Variants in FBXO38 observed in about 807,000 individuals in gnomAD.
FBXO38 encodes the protein F-box only protein 38.
FBXO38 carries 53 observed loss-of-function variants against 131.9 expected under a neutral mutation model. The ratio of observed to expected loss-of-function variants is 0.40; its 90% CI spans 0.32 to 0.51. FBXO38 has a LOEUF of 0.51. Among genes scored for constraint, FBXO38 ranks in the 20% least tolerant of loss-of-function variants. The probability of loss-of-function intolerance (pLI) is 0.53; values close to 1 mark genes in which losing one functional copy is unlikely to be tolerated. For synonymous variants in FBXO38, 452 were observed against 505.6 expected, an observed-to-expected ratio of 0.89 and a Z score of 1.42; for missense variants, 1,076 against 1,475.6, an observed-to-expected ratio of 0.73 and a Z score of 4.44.
chr5:148,427,469 C>T lies in FBXO38; in HGVS notation c.2175C>T (p.Pro725=), dbSNP rs139469864. 1.7e-5 allele frequency: 27 copies of T among 1,614,106 alleles called. No homozygotes were observed. In the Admixed American group the frequency reaches 2.0e-4, roughly 12 times the overall value. Residue 725 remains proline (P), a synonymous_variant, in exon 15 of 22, where the codon CCC becomes CCT. Transcript: ENST00000340253. ...CACACAACACTGCTTCTCAAAGCCC[C>T]GACTTTGTAAGGACGGTGAACAGCG... ...SSSHNTASQS[P]DFVRTVNSGG...
intron 13 of FBXO38, among the ~76,000 whole-genome samples, chr5:148,425,263 A>G (rs1354159063): frequency 1.3e-5 from 2 of 152,174 alleles, no homozygotes; most frequent in East Asian, 1.9e-4. Context: ...ATGCTGTATC[A>G]TTTTCTATTT....
chr5:148,416,173 G>A (rs957109431), intron 11 of FBXO38, 103 bp downstream of exon 11: 6 of 1,186,624 alleles, frequency 5.1e-6, no homozygotes, highest in African/African-American at 3.2e-5. Context: ...TGCCTTTACG[G>A]TGTTACAGTC....
rs139737271 is a variant in FBXO38 at position 148,386,465 on chromosome 5, C to T, written c.-64+2426C>T. On this transcript the variant is annotated intron_variant, in intron 1 of 21. Coordinates refer to ENST00000340253, the MANE Select transcript of FBXO38 (RefSeq NM_205836.3). ...CCCTGAAATCGTGTATGTATTTCTG[C>T]TTGCATGAGTCTGGAAAACGGATGT... Among the ~76,000 whole-genome samples, 1,002 of 152,124 alleles carry T rather than the reference C, an allele frequency of 6.6e-3. 7 individuals are homozygous for T. The highest frequency in any genetic ancestry group is 0.01 in the Non-Finnish European group (687 of 68,006).
intron 10 of FBXO38, 112 bp from the exon 11 acceptor site, chr5:148,415,816 A>G: frequency 8.8e-7 from 1 of 1,140,910 alleles, no homozygotes; most frequent in Non-Finnish European, 1.3e-6. Context: ...AAAAAAAGGA[A>G]AAGTTATTTT....
intron 15 of FBXO38, among the ~76,000 whole-genome samples, chr5:148,429,280 T>G (rs1302895936): frequency 6.6e-6 from 1 of 152,190 alleles, no homozygotes; most frequent in Non-Finnish European, 1.5e-5. Flanking sequence ...TTCATTGATT[T>G]CAGTTTAGTT....
At chr5:148,417,339 A>G (rs531686784) in intron 12 of FBXO38, 135 bp downstream of exon 12, 35 of 684,700 alleles carry the variant, frequency 5.1e-5, no homozygotes, top group Non-Finnish European at 8.3e-5. Context: ...TTGATAAGGA[A>G]CATGAGGGAG....
At chr5:148,409,826 T>C (rs1752648706) in intron 8 of FBXO38, among the ~76,000 whole-genome samples, 1 of 152,244 alleles carries the variant, frequency 6.6e-6, no homozygotes, top group Non-Finnish European at 1.5e-5. Flanking sequence ...ATTAGGATTA[T>C]AAATAAAAGT....
Position 148,415,928 on chromosome 5 carries a change from A to G in FBXO38, c.1265A>G (p.Asp422Gly). 1 of 1,613,498 alleles carries G rather than the reference A, an allele frequency of 6.2e-7. No individual in the cohort carries two copies. Reference sequence around the variant, plus strand: ...TCTGGTCATGTCATTTCTTTAACAGACCACTCAAGATGGACTCGATTGGTT... The same window carrying G: ...TCTGGTCATGTCATTTCTTTAACAGGCCACTCAAGATGGACTCGATTGGTT... The part of the protein sequence containing the change: ...HLHNPYNWIS[D>G]HSRWTRLVDI... Residue 422 changes from aspartate to glycine, a missense_variant and splice_region_variant, in exon 11 of 22, where the codon GAC becomes GGC. Physicochemically the swap from Asp to Gly is moderately conservative, Grantham distance 94. Transcript: ENST00000340253.
At chr5:148,396,184 A>AT (rs534554948) in intron 2 of FBXO38, among the ~76,000 whole-genome samples, 64 of 150,238 alleles carry the variant, frequency 4.3e-4, no homozygotes, top group Middle Eastern at 3.5e-3. Context: ...AAAATGATAG[A>AT]TTTTTTTTTT....
Position 148,427,811 on chromosome 5 carries a change from T to G in FBXO38, c.2517T>G (p.Ser839=), listed in dbSNP as rs1200251706. 3.7e-6 allele frequency: 6 copies of G among 1,608,648 alleles called. No individual in the cohort carries two copies. The highest frequency in any genetic ancestry group is 3.3e-4 in the Middle Eastern group (2 of 6,050). ...ATGAGAGGACTAATGGGAGTGGCTC[T>G]GGGGCTACAGGTGAGGACAGGAGGG... The part of the protein sequence containing the change: ...AHDERTNGSG[S]GATGEDRRGS... Residue 839 remains serine, a synonymous_variant, in exon 15 of 22, where the codon TCT becomes TCG. Transcript: ENST00000340253.
intron 12 of FBXO38, among the ~76,000 whole-genome samples, chr5:148,419,067 G>C (rs1245890270): frequency 2.0e-5 from 3 of 152,182 alleles, no homozygotes; most frequent in African/African-American, 7.2e-5. Context: ...AGCTTCAGCA[G>C]TTACCTAGGA....
At chr5:148,437,383 C>T (rs1754405949) in intron 17 of FBXO38, among the ~76,000 whole-genome samples, 1 of 152,216 alleles carries the variant, frequency 6.6e-6, no homozygotes, top group Non-Finnish European at 1.5e-5. Context: ...AACAGTTCCC[C>T]TTCTTTCCAC....
chr5:148,395,950 A>G (rs1014687590), intron 2 of FBXO38, among the ~76,000 whole-genome samples: 6 of 152,152 alleles, frequency 3.9e-5, no homozygotes, highest in Non-Finnish European at 8.8e-5. Context: ...CCTATGAAAA[A>G]TTTCCATATA....
At chr5:148,385,406 T>C (rs1757859045) in intron 1 of FBXO38, among the ~76,000 whole-genome samples, 1 of 152,098 alleles carries the variant, frequency 6.6e-6, no homozygotes, top group Non-Finnish European at 1.5e-5. Flanking sequence ...GAAGTAAAAT[T>C]GGTGGTATAC....
rs748051444 is a variant in FBXO38, at chr5:148,424,064, C to A, written c.1685C>A (p.Thr562Asn). The stretch of plus-strand genomic sequence containing the variant: ...GTGGTGGCCGAGAGTGGAAATAATA[C>A]TCCAGCTCACAGCCAGGCAATTATT... Reference protein sequence around the residue: ...GEVVAESGNNTPAHSQAIIPV... With the variant: ...GEVVAESGNNNPAHSQAIIPV... The change falls in exon 13 of 22, where the codon ACT becomes AAT. Residue 562 changes from threonine to asparagine, a missense_variant. By Grantham distance (65) the Thr-to-Asn change is moderately conservative. This residue lies in a region of FBXO38 where 212 missense variants were observed against 221.2 expected (regional missense o/e 0.96). Coordinates refer to ENST00000340253, the MANE Select transcript of FBXO38 (RefSeq NM_205836.3). 1.8e-5 allele frequency: 29 copies of A among 1,613,518 alleles called. No homozygotes were observed. In the South Asian group the frequency reaches 2.4e-4, roughly 13 times the overall value.
intron 1 of FBXO38, among the ~76,000 whole-genome samples, chr5:148,385,721 C>A (rs1757879517): frequency 6.6e-6 from 1 of 152,050 alleles, no homozygotes; most frequent in Non-Finnish European, 1.5e-5. Flanking sequence ...TCAGTAGATA[C>A]ACAAGATAGT....
intron 12 of FBXO38, among the ~76,000 whole-genome samples, chr5:148,418,845 A>G (rs760541646): frequency 6.6e-6 from 1 of 152,220 alleles, no homozygotes; most frequent in Non-Finnish European, 1.5e-5. Context: ...GAAATCATAT[A>G]TTGTTGCAAC....
intron 1 of FBXO38, among the ~76,000 whole-genome samples, chr5:148,391,338 A>G (rs1758184931): frequency 6.6e-6 from 1 of 152,188 alleles, no homozygotes; most frequent in African/African-American, 2.4e-5. Context: ...TAGAGGCAAG[A>G]TTTTTTAGCA....
intron 2 of FBXO38, among the ~76,000 whole-genome samples, chr5:148,396,433 A>G (rs1466450300): frequency 6.6e-6 from 1 of 152,192 alleles, no homozygotes; most frequent in African/African-American, 2.4e-5. Context: ...TGGGTGGACT[A>G]TTCAGCAATG....
Sources: gnomAD v4.1 joint callset for allele counts (sites outside exome capture counted in the v4.1 genomes callset) on GRCh38, gnomAD v4.1.1 for gene constraint, gnomAD v4.1.1 regional missense constraint, MANE v1.5 for transcripts, NCBI Gene and HGNC (gene_info 2026-07-23, HGNC 2026-07-21) for gene names.